ADAMTS17: variants seen among roughly 807,000 people sequenced by gnomAD.
ADAMTS17 encodes the protein ADAM metallopeptidase with thrombospondin type 1 motif 17.
Under a neutral mutation model 141.5 loss-of-function variants are expected in ADAMTS17, and 113 were observed. The ratio of observed to expected loss-of-function variants is 0.80; its 90% confidence interval spans 0.69 to 0.93. The LOEUF is 0.93. Among genes scored for constraint, ADAMTS17 ranks in the 40% least tolerant of loss-of-function variants. The pLI is 0.00. For missense variants in ADAMTS17, 1,659 were observed against 1,517.9 expected (o/e 1.09, Z -1.54); for synonymous variants, 768 against 630.6 (o/e 1.22, Z -3.27).
intron 8 of ADAMTS17, among the ~76,000 whole-genome samples, chr15:100,180,323 C>G (rs918361879): frequency 6.6e-6 from 1 of 152,180 alleles, no homozygotes; most frequent in Non-Finnish European, 1.5e-5. Flanking sequence ...AATGAGTTCA[C>G]TGTAGATGTA....
intron 12 of ADAMTS17, among the ~76,000 whole-genome samples, chr15:100,124,369 G>C (rs1365994078): frequency 2.0e-5 from 3 of 152,354 alleles, no homozygotes; most frequent in African/African-American, 7.2e-5. Flanking sequence ...GGCAAATAAG[G>C]AAACAGAAGT....
At position 100,260,043 on chromosome 15, in the gene ADAMTS17, T is replaced by A. The variant is rs557295122; in HGVS notation, c.1031+1436A>T. Among the ~76,000 whole-genome samples, 23 of 152,046 alleles carry A rather than the reference T, an allele frequency of 1.5e-4. No homozygotes were observed. The Middle Eastern group carries it at 0.01, about 67-fold the overall frequency. ...TATTTTTAGTAGAGACGGGGTTTCA[T>A]AATGTTGGCCAAGCTGGTCTCGAAC... On this transcript the variant is annotated intron_variant, in intron 6 of 21. Transcript: ENST00000268070.
chr15:100,331,796 T>C (rs926128212), intron 2 of ADAMTS17, among the ~76,000 whole-genome samples: 5 of 152,186 alleles, frequency 3.3e-5, no homozygotes, highest in African/African-American at 1.2e-4. Flanking sequence ...ACTACACCCC[T>C]GGTTCTCAAA....
rs911713598 is a variant in ADAMTS17, at chr15:99,974,633, G to C, written c.3128-71C>G. 6 of 1,597,484 alleles carry C rather than the reference G, an allele frequency of 3.8e-6. No individual in the cohort carries two copies. The African/African-American group carries it at 6.7e-5, about 18-fold the overall frequency. On this transcript the variant is annotated intron_variant, in intron 21 of 21. Coordinates refer to ENST00000268070, the MANE Select transcript of ADAMTS17 (RefSeq NM_139057.4). ...GCATGTCCTGATGCAGGCACAGGGAGGGCTTGTGGTCTGACCGTCTGGGCT... is the reference window on the plus strand; with the variant it reads ...GCATGTCCTGATGCAGGCACAGGGACGGCTTGTGGTCTGACCGTCTGGGCT...
intron 8 of ADAMTS17, among the ~76,000 whole-genome samples, chr15:100,167,778 T>G (rs2040007572): frequency 6.6e-6 from 1 of 152,198 alleles, no homozygotes; most frequent in Non-Finnish European, 1.5e-5. Flanking sequence ...TGGGAAAAGG[T>G]CTTGTGAGGC....
At chr15:100,212,199 T>C (rs2041830741) in intron 7 of ADAMTS17, among the ~76,000 whole-genome samples, 1 of 152,196 alleles carries the variant, frequency 6.6e-6, no homozygotes, top group Admixed American at 6.5e-5. Flanking sequence ...CCCAGGCTCA[T>C]GCTGCAACCA....
rs189366370 is a variant in ADAMTS17, at chr15:100,338,413, G to C, written c.450+2626C>G. ...ACACTCTCTACTGAGCCCTTTAGGA[G>C]ATGTTCAATACAGTGGGACTTACCA... On this transcript the variant is annotated intron_variant, in intron 2 of 21. Coordinates refer to ENST00000268070, the MANE Select transcript of ADAMTS17 (RefSeq NM_139057.4). Among the ~76,000 whole-genome samples, 235 of 152,284 alleles carry C rather than the reference G, an allele frequency of 1.5e-3. 2 individuals carry two copies. Among genetic ancestry groups the C allele is most frequent in the Non-Finnish European group, 1.3e-3 (90 of 68,028 alleles).
At chr15:100,112,934 GTC>G (rs1315931486) in intron 13 of ADAMTS17, among the ~76,000 whole-genome samples, 3 of 152,198 alleles carry the variant, frequency 2.0e-5, no homozygotes, top group Non-Finnish European at 4.4e-5. Flanking sequence ...GCTCTCAGCA[GTC>G]TCTCTGCTCT....
intron 8 of ADAMTS17, among the ~76,000 whole-genome samples, chr15:100,158,912 C>A (rs1455223161): frequency 6.6e-6 from 1 of 152,070 alleles, no homozygotes. Flanking sequence ...AATCAAAACC[C>A]TGATGAGATA....
At chr15:99,999,400 C>T (rs940741453) in intron 18 of ADAMTS17, among the ~76,000 whole-genome samples, 6 of 152,108 alleles carry the variant, frequency 3.9e-5, no homozygotes, top group Non-Finnish European at 7.3e-5. Flanking sequence ...GGGAAGGCCT[C>T]GCTGGGAAGT....
intron 2 of ADAMTS17, among the ~76,000 whole-genome samples, chr15:100,331,810 T>G (rs1204126076): frequency 1.3e-5 from 2 of 152,138 alleles, no homozygotes; most frequent in Admixed American, 1.3e-4. Context: ...TCTCAAAGCC[T>G]AGCGTGTGCC....
chr15:100,218,092 C>A (rs2042024447), intron 7 of ADAMTS17, among the ~76,000 whole-genome samples: 2 of 152,084 alleles, frequency 1.3e-5, no homozygotes, highest in Non-Finnish European at 2.9e-5. Context: ...AGGCTAGTCT[C>A]AAACTCCTGG....
chr15:100,295,128 C>A lies in ADAMTS17; in HGVS notation c.617-13727G>T, dbSNP rs369596426. ...TTGTGTCATTGACCTTCTTAAAAAG[C>A]ATGGGATATAATCAAAATATCTTCA... is the stretch of plus-strand genomic sequence containing the variant. On this transcript the variant is annotated intron_variant, in intron 3 of 21. Transcript: ENST00000268070. Among the ~76,000 whole-genome samples the A allele has an allele frequency of 2.6e-5, 4 of 152,300 alleles. No homozygotes were observed. In the South Asian group the frequency reaches 6.2e-4, roughly 24 times the overall value.
chr15:100,177,696 TTCTG>T (rs2040384783), intron 8 of ADAMTS17, among the ~76,000 whole-genome samples: 1 of 152,304 alleles, frequency 6.6e-6, no homozygotes, highest in Non-Finnish European at 1.5e-5. Context: ...CTTGCTAATT[TTCTG>T]TCTAATATTT....
chr15:100,134,221 G>T (rs192647721), intron 10 of ADAMTS17, among the ~76,000 whole-genome samples: 111 of 152,290 alleles, frequency 7.3e-4, no homozygotes, highest in Non-Finnish European at 1.3e-3. Flanking sequence ...GAGGGTCCTG[G>T]GGGGGATGGC....
chr15:100,295,589 A>G (rs1056332947), intron 3 of ADAMTS17, among the ~76,000 whole-genome samples: 2 of 152,284 alleles, frequency 1.3e-5, no homozygotes, highest in African/African-American at 4.8e-5. Context: ...TATAAGCCAC[A>G]GCCCCACAGC....
intron 5 of ADAMTS17, among the ~76,000 whole-genome samples, 166 bp downstream of exon 5, chr15:100,262,186 C>T (rs1285017834): frequency 1.3e-5 from 2 of 152,118 alleles, no homozygotes; most frequent in Non-Finnish European, 2.9e-5. Flanking sequence ...CCCCCTCACA[C>T]CATGCTTCCG....
At chr15:100,113,084 G>A (rs1256007696) in intron 13 of ADAMTS17, among the ~76,000 whole-genome samples, 1 of 152,146 alleles carries the variant, frequency 6.6e-6, no homozygotes, top group Non-Finnish European at 1.5e-5. Flanking sequence ...TGTTCCCAAA[G>A]CTGCCCAACC....
intron 6 of ADAMTS17, among the ~76,000 whole-genome samples, chr15:100,259,661 T>C (rs181578113): frequency 3.3e-5 from 5 of 152,342 alleles, no homozygotes; most frequent in Admixed American, 2.6e-4. Flanking sequence ...ATATATGGAT[T>C]ATATATTTAA....
Sources: allele counts gnomAD v4.1 joint callset (sites outside exome capture counted in the v4.1 genomes callset), GRCh38; gene constraint gnomAD v4.1.1; transcripts MANE v1.5; gene names NCBI Gene and HGNC (gene_info 2026-07-23, HGNC 2026-07-21).